PCDH15: variants seen among roughly 807,000 people sequenced by gnomAD.
PCDH15 encodes the protein protocadherin-15.
In PCDH15, 129 loss-of-function variants were observed where a neutral mutation model predicts 178.5. That is an observed-to-expected ratio of 0.72 (90% CI 0.63 to 0.84). PCDH15 has a LOEUF of 0.84. Ranked by LOEUF, PCDH15 falls within the 40% of genes least tolerant of loss-of-function variation. PCDH15 has a pLI of 0.00. For missense variants in PCDH15, 2,230 were observed against 2,099.9 expected (o/e 1.06, Z -1.21); for synonymous variants, 800 against 732.0 (o/e 1.09, Z -1.50).
chr10:53,962,752 T>G (rs984541141), intron 21 of PCDH15, among the ~76,000 whole-genome samples: 1 of 152,192 alleles, frequency 6.6e-6, no homozygotes, highest in Non-Finnish European at 1.5e-5. Context: ...AATTAAAATT[T>G]GATAAGTTTT....
chr10:55,074,439 T>C (rs183941890), intron 2 of PCDH15, among the ~76,000 whole-genome samples: 1 of 152,304 alleles, frequency 6.6e-6, no homozygotes, highest in Admixed American at 6.5e-5. Context: ...ATTGTGGGTT[T>C]GATTTGCATT....
At chr10:55,542,521 T>C (rs573475403) in intron 2 of PCDH15, among the ~76,000 whole-genome samples, 4 of 150,930 alleles carry the variant, frequency 2.7e-5, no homozygotes, top group African/African-American at 9.7e-5. Flanking sequence ...TGTATATATG[T>C]ACACATGTAC....
intron 18 of PCDH15, among the ~76,000 whole-genome samples, chr10:54,024,984 TTCTG>T (rs1452726125): frequency 6.6e-6 from 1 of 152,202 alleles, no homozygotes; most frequent in Admixed American, 6.5e-5. Flanking sequence ...CAGTCACTTT[TTCTG>T]TCTATGGAAT....
At chr10:54,877,984 G>A (rs7090562) in intron 3 of PCDH15, among the ~76,000 whole-genome samples, 124,476 of 127,740 alleles carry the variant, frequency 0.97, 60,686 homozygotes, top group East Asian at 1. Context: ...TTTTGTTGAA[G>A]TGGAGTCTCG....
At chr10:55,601,410 G>A (rs143887914) in intron 2 of PCDH15, among the ~76,000 whole-genome samples, 61 of 152,268 alleles carry the variant, frequency 4.0e-4, no homozygotes, top group African/African-American at 1.3e-3. Context: ...TTGGTGGAAA[G>A]TCACTAGTTG....
intron 13 of PCDH15, among the ~76,000 whole-genome samples, chr10:54,176,975 T>C (rs562371597): frequency 7.3e-5 from 11 of 151,260 alleles, no homozygotes; most frequent in Non-Finnish European, 1.5e-4. Context: ...AAACTTAGCA[T>C]GGATGATTAT....
chr10:54,620,186 C>A (rs1469289422), intron 2 of PCDH15, among the ~76,000 whole-genome samples: 2 of 151,762 alleles, frequency 1.3e-5, no homozygotes, highest in African/African-American at 4.8e-5. Context: ...GTTTGCTGAC[C>A]CCCAACTCAA....
chr10:55,470,837 TC>T (rs1839940514), intron 2 of PCDH15, among the ~76,000 whole-genome samples: 1 of 151,710 alleles, frequency 6.6e-6, no homozygotes, highest in African/African-American at 2.4e-5. Context: ...TTCCCTAAAC[TC>T]TGATTTTTTT....
chr10:55,446,603 T>C (rs1839322924), intron 2 of PCDH15, among the ~76,000 whole-genome samples: 1 of 152,064 alleles, frequency 6.6e-6, no homozygotes, highest in South Asian at 2.1e-4. Context: ...TTGAGCCTCA[T>C]CAACATGCGC....
intron 3 of PCDH15, among the ~76,000 whole-genome samples, chr10:54,883,272 T>C (rs1021694092): frequency 6.6e-6 from 1 of 152,074 alleles, no homozygotes; most frequent in African/African-American, 2.4e-5. Context: ...AAAATAAACA[T>C]GTGTTTCAAA....
chr10:55,607,750 G>T (rs1220086778), intron 2 of PCDH15, among the ~76,000 whole-genome samples: 1 of 121,980 alleles, frequency 8.2e-6, no homozygotes, highest in African/African-American at 3.2e-5. Context: ...GACTGTTGTG[G>T]GGTGGGGGGA....
At chr10:55,548,442 T>TATGAAAGGA (rs1331960623) in intron 2 of PCDH15, among the ~76,000 whole-genome samples, 1 of 152,040 alleles carries the variant, frequency 6.6e-6, no homozygotes, top group Admixed American at 6.6e-5. Flanking sequence ...AATGCAGAGC[T>TATGAAAGGA]ATGAAAGGAT....
chr10:55,302,703 G>T (rs1843316405), intron 1 of PCDH15, among the ~76,000 whole-genome samples: 1 of 152,086 alleles, frequency 6.6e-6, no homozygotes, highest in South Asian at 2.1e-4. Context: ...ATCCAGACTA[G>T]CATTTGACCA....
chr10:54,409,940 A>G (rs1439971093), intron 3 of PCDH15, among the ~76,000 whole-genome samples: 12 of 152,166 alleles, frequency 7.9e-5, no homozygotes, highest in Admixed American at 2.6e-4. Context: ...TGGACTTCCA[A>G]GCCTCCAGAA....
intron 3 of PCDH15, among the ~76,000 whole-genome samples, chr10:54,393,451 A>G (rs1306857248): frequency 1.3e-5 from 2 of 152,218 alleles, no homozygotes; most frequent in Non-Finnish European, 2.9e-5. Context: ...TTGCCATGAA[A>G]AATAGTGAAC....
At chr10:54,138,069 T>A (rs1185647437) in intron 14 of PCDH15, among the ~76,000 whole-genome samples, 1 of 152,176 alleles carries the variant, frequency 6.6e-6, no homozygotes, top group Non-Finnish European at 1.5e-5. Flanking sequence ...AGTGTCAGGT[T>A]CTTTGTGGGC....
At chr10:54,439,596 A>G (rs371068599) in intron 3 of PCDH15, among the ~76,000 whole-genome samples, 3,849 of 149,288 alleles carry the variant, frequency 0.026, 165 homozygotes, top group African/African-American at 0.093. Context: ...AGCAGTGGGG[A>G]AAAAAATGGT....
chr10:54,631,886 C>G (rs1011872161), intron 2 of PCDH15, among the ~76,000 whole-genome samples: 1 of 151,962 alleles, frequency 6.6e-6, no homozygotes, highest in Non-Finnish European at 1.5e-5. Context: ...ACACACTTCG[C>G]GAGAACAGCA....
chr10:54,881,375 T>A (rs940747718), intron 3 of PCDH15, among the ~76,000 whole-genome samples: 3 of 152,128 alleles, frequency 2.0e-5, no homozygotes, highest in Non-Finnish European at 4.4e-5. Context: ...TCAGAAGCGA[T>A]ATTTAGTTCA....
Sources: allele counts gnomAD v4.1 joint callset (sites outside exome capture counted in the v4.1 genomes callset), GRCh38; gene constraint gnomAD v4.1.1; transcripts MANE v1.5; gene names NCBI Gene and HGNC (gene_info 2026-07-23, HGNC 2026-07-21).